The following PRMT9 variants were observed in gnomAD, a reference collection of about 807,000 sequenced individuals.
The protein encoded by PRMT9 is protein arginine methyltransferase 9, also known as protein arginine N-methyltransferase 9.
A neutral mutation model predicts 83.2 loss-of-function variants in PRMT9; 59 were observed. That is an observed-to-expected ratio of 0.71 (90% CI 0.57 to 0.88). The LOEUF (loss-of-function observed/expected upper bound fraction) is 0.88, where lower values mean the gene tolerates loss of function less well. Among genes scored for constraint, PRMT9 ranks in the 40% least tolerant of loss-of-function variants. The pLI, the probability that PRMT9 is intolerant of heterozygous loss-of-function variation, is 0.00. For synonymous variants in PRMT9, 333 were observed against 353.2 expected (o/e 0.94, Z 0.64); for missense variants, 947 against 1,021.9 (o/e 0.93, Z 1.00).
At position 147,670,713 on chromosome 4, in the gene PRMT9, A is replaced by G. The variant is rs1735670463; in HGVS notation, c.774T>C (p.Asp258=). The G allele has an allele frequency of 2.5e-6, 4 of 1,613,112 alleles. No individual in the cohort carries two copies. The highest frequency in any genetic ancestry group is 2.2e-5 in the South Asian group (2 of 91,066). Residue 258 remains aspartate (D), a synonymous_variant, in exon 5 of 12, where the codon GAT becomes GAC. Coordinates refer to ENST00000322396, the MANE Select transcript of PRMT9 (RefSeq NM_138364.4). ...CAATTCCTTCTCCAAATAAACCTGC[A>G]TCGACAGTTTCTGTTACAACTAGGG... ...RVSLVVTETV[D]AGLFGEGIVE...
At chr4:147,677,901 A>G (rs1342605394) in intron 2 of PRMT9, among the ~76,000 whole-genome samples, 1 of 152,222 alleles carries the variant, frequency 6.6e-6, no homozygotes, top group East Asian at 1.9e-4. Flanking sequence ...AGTTTACATT[A>G]ATTATCACAG....
intron 9 of PRMT9, among the ~76,000 whole-genome samples, chr4:147,649,271 A>C (rs1482740369): frequency 6.6e-6 from 1 of 151,960 alleles, no homozygotes; most frequent in African/African-American, 2.4e-5. Flanking sequence ...CTCCCATGAT[A>C]ATGGCCTTAA....
At chr4:147,665,768 T>C (rs1193065610) in intron 6 of PRMT9, among the ~76,000 whole-genome samples, 1 of 152,238 alleles carries the variant, frequency 6.6e-6, no homozygotes, top group Non-Finnish European at 1.5e-5. Context: ...TCCTTGTCTA[T>C]ACATGTACCT....
At chr4:147,668,772 A>G in intron 5 of PRMT9, 127 bp from the exon 6 acceptor site, 1 of 684,990 alleles carries the variant, frequency 1.5e-6, no homozygotes, top group East Asian at 2.8e-5. Flanking sequence ...AGTAAGTTAA[A>G]GGTTTTTTTT....
intron 4 of PRMT9, 84 bp from the exon 5 acceptor site, chr4:147,670,827 G>A: frequency 1.1e-6 from 1 of 887,518 alleles, no homozygotes; most frequent in Non-Finnish European, 1.9e-6. Flanking sequence ...GAGAAAGGAA[G>A]AGTATATTAT....
intron 9 of PRMT9, among the ~76,000 whole-genome samples, chr4:147,643,461 G>C (rs941146052): frequency 1.3e-5 from 2 of 152,134 alleles, no homozygotes; most frequent in African/African-American, 4.8e-5. Flanking sequence ...AGTAACTACT[G>C]ATCAGTGAAA....
At position 147,673,000 on chromosome 4, in the gene PRMT9, C is replaced by T. The variant is rs145578256; in HGVS notation, c.702G>A (p.Thr234=). 1.1e-3 allele frequency: 1,823 copies of T among 1,613,866 alleles called. No homozygotes were observed. The highest frequency in any genetic ancestry group is 2.4e-3 in the Admixed American group (144 of 59,986). Residue 234 remains threonine (T), a synonymous_variant, in exon 4 of 12, where the codon ACG becomes ACA. Coordinates refer to ENST00000322396, the MANE Select transcript of PRMT9 (RefSeq NM_138364.4). Reference sequence around the variant, plus strand: ...TTGGAATCTCTATGTCAAGTGACTTCGTATGTAAGAGTTTGATCCCTGCTT... The same window carrying T: ...TTGGAATCTCTATGTCAAGTGACTTTGTATGTAAGAGTTTGATCCCTGCTT... ...KMEAGIKLLH[T]KSLDIEIPKH...
At chr4:147,680,720 T>C (rs1236191645) in intron 1 of PRMT9, among the ~76,000 whole-genome samples, 2 of 152,254 alleles carry the variant, frequency 1.3e-5, no homozygotes, top group Non-Finnish European at 2.9e-5. Context: ...TTAGCTGCTG[T>C]ATCACATTCT....
At chr4:147,676,092 C>A (rs1000066645) in intron 2 of PRMT9, among the ~76,000 whole-genome samples, 1 of 152,186 alleles carries the variant, frequency 6.6e-6, no homozygotes, top group African/African-American at 2.4e-5. Context: ...TGAACTGCTA[C>A]CGTCCAAATT....
At chr4:147,669,373 T>A (rs547796280) in intron 5 of PRMT9, among the ~76,000 whole-genome samples, 11 of 151,836 alleles carry the variant, frequency 7.2e-5, no homozygotes, top group African/African-American at 2.4e-4. Flanking sequence ...TGAGACCCCA[T>A]CTCAAAAAAA....
Position 147,683,779 on chromosome 4 carries a change from T to C in PRMT9, c.189+20A>G. ...CGAGGACGTTGGATCTGCCAGCAAGTGAGAAAAAAGGACCCTCACCTTCAC... is the reference window on the plus strand; with the variant it reads ...CGAGGACGTTGGATCTGCCAGCAAGCGAGAAAAAAGGACCCTCACCTTCAC... On this transcript the variant is annotated intron_variant, in intron 1 of 11. Transcript: ENST00000322396. 7.0e-7 allele frequency: 1 copy of C among 1,437,036 alleles called. No individual in the cohort carries two copies. Among genetic ancestry groups the C allele is most frequent in the Non-Finnish European group, 9.4e-7 (1 of 1,063,742 alleles). The allele number at this position is 1,437,036 out of a possible 1,614,324, so 89.0% of individuals were successfully genotyped here. A position where few individuals can be genotyped will look rare whatever the true frequency, so the allele number is the denominator to read the frequency against.
intron 8 of PRMT9, among the ~76,000 whole-genome samples, chr4:147,656,771 CAA>C (rs1023416920): frequency 1.7e-4 from 8 of 47,954 alleles, no homozygotes; most frequent in Admixed American, 3.2e-4. Flanking sequence ...GACTCTGTCT[CAA>C]AAAAAAAAAA....
At chr4:147,639,680 T>C (rs1034398437) in intron 10 of PRMT9, among the ~76,000 whole-genome samples, 5 of 152,156 alleles carry the variant, frequency 3.3e-5, no homozygotes, top group Admixed American at 1.3e-4. Context: ...CTATTAAGTG[T>C]TCTATCAAGT....
chr4:147,668,826 C>A (rs1217312783), intron 5 of PRMT9, among the ~76,000 whole-genome samples, 181 bp from the exon 6 acceptor site: 1 of 152,100 alleles, frequency 6.6e-6, no homozygotes, highest in Non-Finnish European at 1.5e-5. Flanking sequence ...GTAGCTCACG[C>A]CTGTAATCCC....
chr4:147,666,590 T>C (rs868269817), intron 6 of PRMT9, among the ~76,000 whole-genome samples: 3 of 152,230 alleles, frequency 2.0e-5, no homozygotes, highest in South Asian at 2.1e-4. Flanking sequence ...CATCAATACA[T>C]TGCTGTTTTT....
chr4:147,683,241 AAGG>A (rs1477054708), intron 1 of PRMT9, among the ~76,000 whole-genome samples: 1 of 152,228 alleles, frequency 6.6e-6, no homozygotes, highest in Non-Finnish European at 1.5e-5. Context: ...AATTAGATAT[AAGG>A]AGAAGAGGAT....
rs747020217 is a variant in PRMT9, at chr4:147,654,169, C to T, written c.1728G>A (p.Gln576=). Residue 576 remains glutamine (Q), a synonymous_variant, in exon 9 of 12, where the codon CAG becomes CAA. Transcript: ENST00000322396. ...SSGTGQSNTV[Q]NILEPFYVLD... is the part of the protein sequence containing the mutation. ...ACACGTAGAAAGGTTCAAGGATGTT[C>T]TGTACAGTATTACTCTGTCCAGTTC... 6.2e-7 allele frequency: 1 copy of T among 1,614,200 alleles called. No homozygotes were observed. Among genetic ancestry groups the T allele is most frequent in the East Asian group, 2.2e-5 (1 of 44,884 alleles).
At chr4:147,670,109 A>AT (rs1387062258) in intron 5 of PRMT9, among the ~76,000 whole-genome samples, 1 of 152,134 alleles carries the variant, frequency 6.6e-6, no homozygotes, top group Non-Finnish European at 1.5e-5. Flanking sequence ...TTGCCTGTAT[A>AT]TCTCATTCAG....
chr4:147,657,836 T>A lies in PRMT9; in HGVS notation c.1286A>T (p.Glu429Val). The A allele has an allele frequency of 6.2e-7, 1 of 1,611,634 alleles. No homozygotes were observed. The highest frequency in any genetic ancestry group is 8.5e-7 in the Non-Finnish European group (1 of 1,179,662). ...EHSLSTSPSE[E>V]TCWEQAVYPV... is the part of the protein sequence containing the mutation. ...GTAGACAGCCTGTTCCCAACATGTTTCCTCACTAGGACTTGTGGATAAACT... is the reference window on the plus strand; with the variant it reads ...GTAGACAGCCTGTTCCCAACATGTTACCTCACTAGGACTTGTGGATAAACT... Residue 429 changes from glutamate to valine, a missense_variant, in exon 8 of 12, where the codon GAA becomes GTA. By Grantham distance (121) the Glu-to-Val change is moderately radical. Transcript: ENST00000322396.
Sources: gnomAD v4.1 joint callset for allele counts (sites outside exome capture counted in the v4.1 genomes callset) on GRCh38, gnomAD v4.1.1 for gene constraint, MANE v1.5 for transcripts, NCBI Gene and HGNC (gene_info 2026-07-23, HGNC 2026-07-21) for gene names.